The following CERS3 variants were observed in gnomAD, a reference collection of about 807,000 sequenced individuals.
The protein encoded by CERS3 is ceramide synthase 3.
CERS3 carries 33 observed loss-of-function variants against 50.3 expected under a neutral mutation model. The ratio of observed to expected loss-of-function variants is 0.66; its 90% confidence interval spans 0.50 to 0.88. CERS3 has a LOEUF of 0.88. Among genes scored for constraint, CERS3 ranks in the 40% least tolerant of loss-of-function variants. The pLI is 0.00. For synonymous variants in CERS3, 176 were observed against 155.2 expected, an observed-to-expected ratio of 1.13 and a Z score of -0.99; for missense variants, 470 against 460.3, an observed-to-expected ratio of 1.02 and a Z score of -0.19.
intron 11 of CERS3, among the ~76,000 whole-genome samples, chr15:100,416,546 A>C (rs2031921358): frequency 6.6e-6 from 1 of 152,242 alleles, no homozygotes; most frequent in South Asian, 2.1e-4. Flanking sequence ...TCATAGTTCC[A>C]CATGGCTGGG....
intron 2 of CERS3, among the ~76,000 whole-genome samples, chr15:100,521,445 C>G (rs906922826): frequency 6.6e-6 from 1 of 152,152 alleles, no homozygotes; most frequent in Non-Finnish European, 1.5e-5. Flanking sequence ...GCTGCTGTCA[C>G]ATGAAGCTTT....
intron 1 of CERS3, among the ~76,000 whole-genome samples, chr15:100,524,107 T>C (rs184239335): frequency 1.1e-4 from 17 of 152,346 alleles, no homozygotes; most frequent in African/African-American, 3.4e-4. Flanking sequence ...CCCTAGTTGA[T>C]TTTAATTTTC....
intron 2 of CERS3, among the ~76,000 whole-genome samples, chr15:100,518,193 A>G (rs1369644042): frequency 6.6e-6 from 1 of 152,214 alleles, no homozygotes; most frequent in Non-Finnish European, 1.5e-5. Flanking sequence ...AAACACCCCG[A>G]TTTTAAATAG....
At chr15:100,437,227 G>A (rs1269944682) in intron 11 of CERS3, among the ~76,000 whole-genome samples, 2 of 152,176 alleles carry the variant, frequency 1.3e-5, no homozygotes, top group Non-Finnish European at 2.9e-5. Flanking sequence ...TTACAGGTAT[G>A]AGCCACCGCA....
chr15:100,489,071 A>G (rs2035573483), intron 4 of CERS3, among the ~76,000 whole-genome samples: 1 of 152,212 alleles, frequency 6.6e-6, no homozygotes, highest in African/African-American at 2.4e-5. Flanking sequence ...CACTGCGCCC[A>G]GCCACTTTTT....
intron 11 of CERS3, among the ~76,000 whole-genome samples, chr15:100,405,667 A>T (rs1197481771): frequency 1.3e-5 from 2 of 152,210 alleles, no homozygotes; most frequent in Non-Finnish European, 2.9e-5. Context: ...GATGGATAAC[A>T]GGTAAGTGGT....
chr15:100,523,250 T>C (rs2036689842), intron 1 of CERS3, among the ~76,000 whole-genome samples: 1 of 152,234 alleles, frequency 6.6e-6, no homozygotes, highest in Non-Finnish European at 1.5e-5. Flanking sequence ...AGTCATGTTA[T>C]ATGCATGACT....
chr15:100,536,832 A>G (rs2037086178), intron 1 of CERS3, among the ~76,000 whole-genome samples: 1 of 152,180 alleles, frequency 6.6e-6, no homozygotes, highest in Non-Finnish European at 1.5e-5. Flanking sequence ...AACAGATAGG[A>G]GGAATAAGGA....
At chr15:100,476,825 C>T (rs2035141260) in intron 7 of CERS3, among the ~76,000 whole-genome samples, 1 of 152,112 alleles carries the variant, frequency 6.6e-6, no homozygotes, top group Non-Finnish European at 1.5e-5. Flanking sequence ...TATCTAAGCC[C>T]TTGTGCAGTC....
At chr15:100,404,011 A>G (rs939034754) in intron 11 of CERS3, among the ~76,000 whole-genome samples, 5 of 152,362 alleles carry the variant, frequency 3.3e-5, no homozygotes, top group African/African-American at 1.2e-4. Flanking sequence ...CCTTATAAAA[A>G]CAGAGGCAGA....
chr15:100,410,052 A>G lies in CERS3; in HGVS notation c.1000-7187T>C, dbSNP rs543157612. 2.6e-5 allele frequency among the ~76,000 whole-genome samples: 4 copies of G among 152,318 alleles called. No homozygotes were observed. The South Asian group carries it at 8.3e-4, about 32-fold the overall frequency. On this transcript the variant is annotated intron_variant, in intron 11 of 11. Coordinates refer to ENST00000679737, the MANE Select transcript of CERS3 (RefSeq NM_001378789.1). Reference sequence around the variant, plus strand: ...CATATTGCTCTTCTGATAACCTAGCAAAGGTACCTAGTATTCCACTGAACT... The same window carrying G: ...CATATTGCTCTTCTGATAACCTAGCGAAGGTACCTAGTATTCCACTGAACT...
intron 11 of CERS3, chr15:100,426,069 A>G (rs966448003): frequency 5.2e-5 from 8 of 152,458 alleles, no homozygotes; most frequent in African/African-American, 1.9e-4. Flanking sequence ...TGTTACCTGT[A>G]CAGCCTGCAG....
At chr15:100,495,896 C>T (rs1031553239) in intron 3 of CERS3, among the ~76,000 whole-genome samples, 12 of 152,190 alleles carry the variant, frequency 7.9e-5, no homozygotes, top group Non-Finnish European at 5.9e-5. Context: ...AGCCTTAGAA[C>T]ATTTCCATCA....
At chr15:100,487,618 A>G (rs1484766621) in intron 4 of CERS3, among the ~76,000 whole-genome samples, 2 of 152,192 alleles carry the variant, frequency 1.3e-5, no homozygotes, top group African/African-American at 2.4e-5. Flanking sequence ...ACACAGCCTC[A>G]AGGAGAGGTC....
At chr15:100,518,854 G>T (rs931294926) in intron 2 of CERS3, among the ~76,000 whole-genome samples, 1 of 152,076 alleles carries the variant, frequency 6.6e-6, no homozygotes, top group Admixed American at 6.6e-5. Context: ...AAGACTTATT[G>T]GATATTTTAT....
intron 10 of CERS3, among the ~76,000 whole-genome samples, chr15:100,467,743 CAT>C (rs1468532141): frequency 1.8e-4 from 7 of 39,246 alleles, no homozygotes; most frequent in South Asian, 1.7e-3. Context: ...TAATTGCTAT[CAT>C]TCTCTCTCTC....
At chr15:100,441,983 C>T (rs1413883785) in intron 11 of CERS3, among the ~76,000 whole-genome samples, 1 of 152,134 alleles carries the variant, frequency 6.6e-6, no homozygotes, top group East Asian at 1.9e-4. Flanking sequence ...TCAGCCTCCG[C>T]TCCTCCACCA....
intron 8 of CERS3, among the ~76,000 whole-genome samples, chr15:100,475,129 A>G (rs1231196674): frequency 2.6e-5 from 4 of 152,154 alleles, no homozygotes; most frequent in Non-Finnish European, 4.4e-5. Context: ...CAACCAATTA[A>G]ATTTTGATGT....
rs544367355 is a variant in CERS3, at chr15:100,465,025, A to G, written c.845+4353T>C. ...GGAAAATCAGAGAAAGGTCAAAGAAAGGGCAAGGGAAATGCACACACTCCA... is the reference window on the plus strand; with the variant it reads ...GGAAAATCAGAGAAAGGTCAAAGAAGGGGCAAGGGAAATGCACACACTCCA... On this transcript the variant is annotated intron_variant, in intron 10 of 11. Transcript: ENST00000679737. Among the ~76,000 whole-genome samples the G allele has an allele frequency of 2.6e-5, 4 of 152,288 alleles. No homozygotes were observed. The East Asian group carries it at 7.7e-4, about 29-fold the overall frequency.
Sources: allele counts gnomAD v4.1 joint callset (sites outside exome capture counted in the v4.1 genomes callset), GRCh38; gene constraint gnomAD v4.1.1; transcripts MANE v1.5; gene names NCBI Gene and HGNC (gene_info 2026-07-23, HGNC 2026-07-21).